MAF: variants seen among roughly 807,000 people sequenced by gnomAD.
MAF encodes the protein transcription factor Maf.
Under a neutral mutation model 22.0 loss-of-function variants are expected in MAF, and 10 were observed. The observed-to-expected ratio is 0.45, with a 90% confidence interval of 0.28 to 0.77. MAF has a LOEUF of 0.77. Ranked by LOEUF, MAF falls within the 30% of genes least tolerant of loss-of-function variation. The probability of loss-of-function intolerance (pLI) is 0.12; values close to 1 mark genes in which losing one functional copy is unlikely to be tolerated. For synonymous variants in MAF, 337 were observed against 255.8 expected (o/e 1.32, Z -3.03); for missense variants, 544 against 548.4 (o/e 0.99, Z 0.08).
the MAF span, among the ~76,000 whole-genome samples, chr16:79,544,990 G>A: frequency 6.6e-6 from 1 of 152,098 alleles, no homozygotes; most frequent in Non-Finnish European, 1.5e-5. Flanking sequence ...GGTTCTCTAT[G>A]AACTCAAGCA....
the MAF span, among the ~76,000 whole-genome samples, chr16:79,210,240 C>G: frequency 6.6e-6 from 1 of 152,208 alleles, no homozygotes; most frequent in Non-Finnish European, 1.5e-5. Flanking sequence ...TAAAACCAAA[C>G]AACAATGACA....
At chr16:79,510,635 T>G in the MAF span, among the ~76,000 whole-genome samples, 1 of 152,324 alleles carries the variant, frequency 6.6e-6, no homozygotes, top group East Asian at 1.9e-4. Context: ...CCCAGAAGAC[T>G]TGTGACCTAA....
chr16:79,481,554 T>A, the MAF span, among the ~76,000 whole-genome samples: 1 of 151,972 alleles, frequency 6.6e-6, no homozygotes, highest in Non-Finnish European at 1.5e-5. Context: ...TTGACTACCT[T>A]TTAATCCATT....
the MAF span, among the ~76,000 whole-genome samples, chr16:79,396,826 A>G: frequency 6.6e-6 from 1 of 152,190 alleles, no homozygotes; most frequent in Non-Finnish European, 1.5e-5. Flanking sequence ...GGTGATGTGA[A>G]TTTGCAGCCG....
the MAF span, chr16:79,206,404 G>C: frequency 4.6e-5 from 7 of 152,204 alleles, no homozygotes; most frequent in Non-Finnish European, 8.8e-5. Flanking sequence ...TTATCTGTAT[G>C]GCTTTGGACG....
At chr16:79,572,527 G>T in the MAF span, among the ~76,000 whole-genome samples, 1 of 152,160 alleles carries the variant, frequency 6.6e-6, no homozygotes, top group East Asian at 1.9e-4. Context: ...AATTCAGGTT[G>T]ATCAGGAGGA....
At chr16:79,213,672 A>G in the MAF span, among the ~76,000 whole-genome samples, 2 of 152,084 alleles carry the variant, frequency 1.3e-5, no homozygotes, top group South Asian at 4.1e-4. Context: ...AGTCACTCCC[A>G]GAACCGGCAT....
the MAF span, among the ~76,000 whole-genome samples, chr16:79,288,480 C>T: frequency 6.6e-6 from 1 of 152,152 alleles, no homozygotes; most frequent in Non-Finnish European, 1.5e-5. Flanking sequence ...TGGGAGTCAT[C>T]ACAGTTTAGC....
the MAF span, among the ~76,000 whole-genome samples, chr16:79,519,677 G>T: frequency 6.6e-6 from 1 of 152,210 alleles, no homozygotes; most frequent in Non-Finnish European, 1.5e-5. Flanking sequence ...CACTGCTCTC[G>T]TATACCCAAG....
chr16:79,206,158 G>A, the MAF span: 5 of 152,094 alleles, frequency 3.3e-5, no homozygotes, highest in East Asian at 5.8e-4. Flanking sequence ...ACATTTCTCG[G>A]GTGAACACAC....
At chr16:79,330,973 G>A in the MAF span, among the ~76,000 whole-genome samples, 1 of 152,182 alleles carries the variant, frequency 6.6e-6, no homozygotes, top group African/African-American at 2.4e-5. Flanking sequence ...CCCTGTGAGT[G>A]GCGAACAATG....
the MAF span, among the ~76,000 whole-genome samples, chr16:79,468,309 G>A: frequency 4.6e-5 from 7 of 152,174 alleles, no homozygotes; most frequent in African/African-American, 7.2e-5. Context: ...GCCCTGGGCC[G>A]GCCAGACGGC....
the MAF span, among the ~76,000 whole-genome samples, chr16:79,480,223 C>G: frequency 2.0e-5 from 3 of 152,050 alleles, no homozygotes; most frequent in East Asian, 1.9e-4. Flanking sequence ...CCATGGCACA[C>G]GGAAAGGACT....
the MAF span, among the ~76,000 whole-genome samples, chr16:79,457,307 G>C: frequency 6.6e-6 from 1 of 151,892 alleles, no homozygotes; most frequent in Non-Finnish European, 1.5e-5. Context: ...ACTTTGACAT[G>C]GCTGCCCTCC....
chr16:79,271,609 CT>C, the MAF span, among the ~76,000 whole-genome samples: 2 of 152,178 alleles, frequency 1.3e-5, no homozygotes, highest in African/African-American at 4.8e-5. Flanking sequence ...TATTTTCTCT[CT>C]CAGATACAAG....
At chr16:79,596,480 CAAA>C in intron 1 of MAF, 1 of 1,036,646 alleles carries the variant, frequency 9.6e-7, no homozygotes, top group Non-Finnish European at 1.2e-6. Context: ...AGTACAGAAT[CAAA>C]AAAAAATGCC....
the MAF span, among the ~76,000 whole-genome samples, chr16:79,301,341 T>C: frequency 1.3e-5 from 2 of 152,046 alleles, no homozygotes; most frequent in East Asian, 3.9e-4. Context: ...GCTGCGTTTG[T>C]GGATTGTAAG....
At chr16:79,331,561 C>G in the MAF span, among the ~76,000 whole-genome samples, 1 of 152,178 alleles carries the variant, frequency 6.6e-6, no homozygotes, top group Admixed American at 6.5e-5. Context: ...TCTTCTTACA[C>G]GAGCCACCCG....
chr16:79,435,949 G>T, the MAF span, among the ~76,000 whole-genome samples: 1 of 152,136 alleles, frequency 6.6e-6, no homozygotes, highest in African/African-American at 2.4e-5. Context: ...TAGCAAGAAG[G>T]GTGCAGGAAG....
Sources: gnomAD v4.1 joint callset for allele counts (sites outside exome capture counted in the v4.1 genomes callset) on GRCh38, gnomAD v4.1.1 for gene constraint, MANE v1.5 for transcripts, NCBI Gene and HGNC (gene_info 2026-07-23, HGNC 2026-07-21) for gene names.